IFI44: variants seen among roughly 807,000 people sequenced by gnomAD.
IFI44 encodes interferon induced protein 44.
In IFI44, 42 loss-of-function variants were observed where a neutral mutation model predicts 45.0. The ratio of observed to expected loss-of-function variants is 0.93; its 90% CI spans 0.73 to 1.21. The LOEUF (loss-of-function observed/expected upper bound fraction) is 1.21, where lower values mean the gene tolerates loss of function less well. Ranked by LOEUF, IFI44 falls within the 50% of genes most tolerant of loss-of-function variation. The probability of loss-of-function intolerance (pLI) is 0.00; values close to 1 mark genes in which losing one functional copy is unlikely to be tolerated. For synonymous variants in IFI44, 221 were observed against 188.6 expected (o/e 1.17, Z -1.41); for missense variants, 623 against 525.8 (o/e 1.18, Z -1.81).
At chr1:78,652,323 C>T (rs1357962359) in intron 2 of IFI44, among the ~76,000 whole-genome samples, 4 of 152,140 alleles carry the variant, frequency 2.6e-5, no homozygotes, top group Admixed American at 6.6e-5. Flanking sequence ...CCTCGTAATC[C>T]GCTTGCCTTG....
intron 2 of IFI44, among the ~76,000 whole-genome samples, chr1:78,653,377 A>G (rs72935635): frequency 0.1 from 15,127 of 151,994 alleles, 844 homozygotes; most frequent in Middle Eastern, 0.15. Flanking sequence ...TGCTTTTCCA[A>G]TTGTTTGTAC....
intron 5 of IFI44, among the ~76,000 whole-genome samples, chr1:78,658,822 G>A (rs1430766336): frequency 1.3e-5 from 2 of 152,130 alleles, no homozygotes; most frequent in Non-Finnish European, 2.9e-5. Flanking sequence ...TGCTACAAAT[G>A]TTCCAGCAGT....
rs965627255 is a variant in IFI44 at position 78,663,362 on chromosome 1, C to CT, written c.1289-402dup. ...CCCTCTTCATGCAGTATGGTCATTG[C>CT]TAGGTAGAGGTATGTCCTTTTATGT... is the stretch of plus-strand genomic sequence containing the variant. On this transcript the variant is annotated intron_variant, in intron 8 of 8. Coordinates refer to ENST00000370747, the MANE Select transcript of IFI44 (RefSeq NM_006417.5). 8 of 985,178 alleles carry CT rather than the reference C, an allele frequency of 8.1e-6. No individual in the cohort carries two copies. The African/African-American group carries it at 1.4e-4, about 17-fold the overall frequency. The allele number at this position is 985,178 out of a possible 1,614,324, so 61.0% of individuals were successfully genotyped here. A position where few individuals can be genotyped will look rare whatever the true frequency, so the allele number is the denominator to read the frequency against.
chr1:78,660,682 A>C (rs567273614), intron 7 of IFI44, 28 bp downstream of exon 7: 2 of 1,399,888 alleles, frequency 1.4e-6, no homozygotes, highest in South Asian at 2.3e-5. Context: ...TCGTAAACAC[A>C]TTTTCTGGGG....
At chr1:78,662,971 T>C (rs1376533811) in intron 8 of IFI44, 93 bp downstream of exon 8, 2 of 1,605,792 alleles carry the variant, frequency 1.2e-6, no homozygotes, top group Non-Finnish European at 1.7e-6. Context: ...CTCTCTGTCT[T>C]TTTGTGGGTT....
intron 7 of IFI44, among the ~76,000 whole-genome samples, chr1:78,661,535 C>T (rs1177905585): frequency 6.6e-6 from 1 of 151,848 alleles, no homozygotes; most frequent in Non-Finnish European, 1.5e-5. Context: ...AAGGTTGAGC[C>T]AGTGTGTTAC....
In IFI44 at chr1:78,650,435, T is replaced by G; in HGVS notation, c.240T>G (p.Phe80Leu). Residue 80 changes from phenylalanine to leucine, a missense_variant, in exon 2 of 9, where the codon TTT becomes TTG. Physicochemically the swap from Phe to Leu is conservative, Grantham distance 22 (BLOSUM62 0). Transcript: ENST00000370747. Reference protein sequence around the residue: ...QEGKYASIILFALQDTKISEW... With the variant: ...QEGKYASIILLALQDTKISEW... ...GAAAGTATGCTTCCATCATCCTTTT[T>G]GCACTTCAAGATACTAAAATTTCAG... The G allele has an allele frequency of 6.2e-7, 1 of 1,613,960 alleles. No individual in the cohort carries two copies. The highest frequency in any genetic ancestry group is 8.5e-7 in the Non-Finnish European group (1 of 1,179,826).
Position 78,658,862 on chromosome 1 carries a change from T to C in IFI44, c.841-450T>C, listed in dbSNP as rs557068824. Among the ~76,000 whole-genome samples, 191 of 152,238 alleles carry C rather than the reference T, an allele frequency of 1.3e-3. 1 individual carries two copies. The highest frequency in any genetic ancestry group is 2.1e-3 in the Non-Finnish European group (143 of 68,002). On this transcript the variant is annotated intron_variant, in intron 5 of 8. Transcript: ENST00000370747. ...AATCTTTGCATATATCATTTTGCATTTTTGTCAGTATATCAGTGGGACAGA... is the reference window on the plus strand; with the variant it reads ...AATCTTTGCATATATCATTTTGCATCTTTGTCAGTATATCAGTGGGACAGA...
At chr1:78,656,182 A>T (rs1282783176) in intron 5 of IFI44, among the ~76,000 whole-genome samples, 1 of 152,132 alleles carries the variant, frequency 6.6e-6, no homozygotes, top group African/African-American at 2.4e-5. Context: ...TAAGCACCCG[A>T]TCTGTATAAT....
In IFI44 at chr1:78,662,705, T is replaced by C. The variant is rs756346298; in HGVS notation, c.1115T>C (p.Leu372Pro). The C allele has an allele frequency of 1.2e-5, 19 of 1,610,828 alleles. No homozygotes were observed. The African/African-American group carries it at 2.3e-4, about 19-fold the overall frequency. ...IERCEPVRSK[L>P]EEVQRKLGFA... ...GTCTTTTTAATTTCTGTATTGCAGCTAGAGGAAGTCCAAAGAAAACTTGGA... is the reference window on the plus strand; with the variant it reads ...GTCTTTTTAATTTCTGTATTGCAGCCAGAGGAAGTCCAAAGAAAACTTGGA... The change falls in exon 8 of 9, where the codon CTA becomes CCA. Residue 372 changes from leucine (L) to proline (P), a missense_variant and splice_region_variant. Leu to Pro is a moderately conservative substitution (Grantham distance 98, BLOSUM62 -3). Coordinates refer to ENST00000370747, the MANE Select transcript of IFI44 (RefSeq NM_006417.5).
intron 6 of IFI44, among the ~76,000 whole-genome samples, chr1:78,659,705 T>C (rs531722904): frequency 3.0e-4 from 46 of 152,324 alleles, no homozygotes; most frequent in Admixed American, 7.8e-4. Flanking sequence ...TCAATAAAAT[T>C]AGTATAATAA....
In IFI44 at chr1:78,663,894, ATCTAAGACCAAAGGGATG is replaced by A. The variant is rs1647615804; in HGVS notation, c.*85_*102del. ...GAGAAAACACAGACCAAAGAGAAGTATCTAAGACCAAAGGGATGTGTTTTATTAATGTCTAGGATGAAG... is the reference window on the plus strand; with the variant it reads ...GAGAAAACACAGACCAAAGAGAAGTATGTTTTATTAATGTCTAGGATGAAG... On this transcript the variant is annotated 3_prime_UTR_variant, in exon 9 of 9. Transcript: ENST00000370747. The A allele has an allele frequency of 1.5e-6, 2 of 1,315,428 alleles. No homozygotes were observed. Among genetic ancestry groups the A allele is most frequent in the Admixed American group, 4.2e-5 (2 of 47,156 alleles). 81.5% of individuals were successfully genotyped at this position (1,315,428 alleles called of 1,614,324 possible).
Position 78,655,393 on chromosome 1 carries a change from A to G in IFI44, c.722A>G (p.Asp241Gly), listed in dbSNP as rs1204141297. ...YRTYSIRDGK[D>G]GKYLPFILCD... Reference sequence around the variant, plus strand: ...ACATACTCTATTAGAGACGGGAAAGATGGCAAATACCTGCCGTTTATTCTG... The same window carrying G: ...ACATACTCTATTAGAGACGGGAAAGGTGGCAAATACCTGCCGTTTATTCTG... The change falls in exon 5 of 9, where the codon GAT becomes GGT. Residue 241 changes from aspartate (D) to glycine (G), a missense_variant. Physicochemically the swap from Asp to Gly is moderately conservative, Grantham distance 94. Transcript: ENST00000370747. The G allele has an allele frequency of 1.2e-6, 2 of 1,613,672 alleles. No individual in the cohort carries two copies.
rs1250673317 is a variant in IFI44, at chr1:78,663,909, GATGTGTTTTATTA to G, written c.*103_*115del. The G allele has an allele frequency of 4.5e-6, 5 of 1,121,200 alleles. No individual in the cohort carries two copies. The East Asian group carries it at 1.3e-4, about 29-fold the overall frequency. 69.5% of individuals were successfully genotyped at this position (1,121,200 alleles called of 1,614,324 possible). On this transcript the variant is annotated 3_prime_UTR_variant, in exon 9 of 9. Transcript: ENST00000370747. ...AAAGAGAAGTATCTAAGACCAAAGG[GATGTGTTTTATTA>G]ATGTCTAGGATGAAGAAATGCATAG...
chr1:78,649,947 G>C (rs912737911), intron 1 of IFI44, 42 bp downstream of exon 1: 3 of 343,342 alleles, frequency 8.7e-6, no homozygotes, highest in African/African-American at 6.4e-5. Context: ...GCTAGCATTA[G>C]TCTCTCTCTG....
In IFI44 at chr1:78,651,392, T is replaced by C. The variant is rs139726488; in HGVS notation, c.457+740T>C. On this transcript the variant is annotated intron_variant, in intron 2 of 8. Coordinates refer to ENST00000370747, the MANE Select transcript of IFI44 (RefSeq NM_006417.5). ...GATCCCTCATGCACAATTCATAATA[T>C]GGTTTGCGCTCCTATGAGAATCTAA... Among the ~76,000 whole-genome samples, 676 of 152,164 alleles carry C rather than the reference T, an allele frequency of 4.4e-3. 4 individuals carry two copies. The highest frequency in any genetic ancestry group is 0.013 in the African/African-American group (548 of 41,518).
intron 2 of IFI44, among the ~76,000 whole-genome samples, chr1:78,653,021 T>C (rs150081456): frequency 9.1e-4 from 139 of 152,256 alleles, no homozygotes; most frequent in African/African-American, 3.0e-3. Flanking sequence ...TGAGTGGTGA[T>C]ATGACATTTA....
chr1:78,659,415 C>G lies in IFI44; in HGVS notation c.944C>G (p.Ser315Cys). 1 of 1,613,364 alleles carries G rather than the reference C, an allele frequency of 6.2e-7. No homozygotes were observed. The change falls in exon 6 of 9, where the codon TCT becomes TGT. Residue 315 changes from serine to cysteine, a missense_variant. Ser to Cys is a moderately radical substitution (Grantham distance 112). Transcript: ENST00000370747. Reference sequence around the variant, plus strand: ...GTGGCATTTGTATTTGATGCCAGCTCTATTCAATACTTCTCCTCTCAGATG... The same window carrying G: ...GTGGCATTTGTATTTGATGCCAGCTGTATTCAATACTTCTCCTCTCAGATG... ...HCVAFVFDAS[S>C]IQYFSSQMIV... is the part of the protein sequence containing the mutation.
intron 1 of IFI44, 69 bp from the exon 2 acceptor site, chr1:78,650,117 G>T (rs1019737316): frequency 5.2e-6 from 6 of 1,161,404 alleles, no homozygotes; most frequent in Non-Finnish European, 7.2e-6. Flanking sequence ...AGGCATAAAT[G>T]CAAATTTTAT....
Sources: allele counts gnomAD v4.1 joint callset (sites outside exome capture counted in the v4.1 genomes callset), GRCh38; gene constraint gnomAD v4.1.1; transcripts MANE v1.5; gene names NCBI Gene and HGNC (gene_info 2026-07-23, HGNC 2026-07-21).